NSMF: variants seen among roughly 807,000 people sequenced by gnomAD.
NSMF encodes NMDA receptor synaptonuclear signaling and neuronal migration factor.
A neutral mutation model predicts 71.0 loss-of-function variants in NSMF; 31 were observed. The ratio of observed to expected loss-of-function variants is 0.44; its 90% CI spans 0.33 to 0.59. The LOEUF is 0.59. Ranked by LOEUF, NSMF falls within the 20% of genes least tolerant of loss-of-function variation. NSMF has a pLI of 0.04. For synonymous variants in NSMF, 345 were observed against 287.1 expected (o/e 1.20, Z -2.04); for missense variants, 673 against 740.5 (o/e 0.91, Z 1.06).
intron 5 of NSMF, 115 bp downstream of exon 5, chr9:137,455,514 G>C: frequency 7.7e-7 from 1 of 1,299,772 alleles, no homozygotes; most frequent in Non-Finnish European, 1.1e-6. Context: ...GGCCCGCAGA[G>C]AGCGGCACTC....
Position 137,448,413 on chromosome 9 carries a change from A to T in NSMF, c.*981T>A, listed in dbSNP as rs963549614. On this transcript the variant is annotated 3_prime_UTR_variant, in exon 16 of 16. Transcript: ENST00000371475. The surrounding 1 kb of genome is among the most constrained non-coding windows in gnomAD (Gnocchi z 5.3). ...ACAGCCCATCCTGCTGGCCGTGGAC[A>T]AAAGCTGGGAGCTCCTGTGCCCAGT... 1 of 152,260 alleles carries T rather than the reference A, an allele frequency of 6.6e-6. No individual in the cohort carries two copies. Among genetic ancestry groups the T allele is most frequent in the Admixed American group, 6.5e-5 (1 of 15,282 alleles). The allele number at this position is 152,260 out of a possible 1,614,324, so 9.4% of individuals were successfully genotyped here.
intron 6 of NSMF, 67 bp from the exon 7 acceptor site, chr9:137,454,510 C>T (rs1485853477): frequency 7.7e-6 from 12 of 1,549,454 alleles, no homozygotes; most frequent in African/African-American, 1.4e-5. Context: ...CCCACCTAGC[C>T]CCCGTCGGGT....
chr9:137,452,959 G>T, intron 9 of NSMF, 97 bp downstream of exon 9: 1 of 1,586,876 alleles, frequency 6.3e-7, no homozygotes, highest in Non-Finnish European at 8.6e-7. Flanking sequence ...CAGGCAGCTG[G>T]AGAAGGCTGC....
intron 2 of NSMF, 140 bp downstream of exon 2, chr9:137,458,348 G>A (rs1830966381): frequency 6.5e-6 from 5 of 770,214 alleles, no homozygotes; most frequent in Non-Finnish European, 8.7e-6. Flanking sequence ...GGAGGGCAGG[G>A]GATGTAAGGA....
chr9:137,454,764 C>T, intron 6 of NSMF: 1 of 1,426,472 alleles, frequency 7.0e-7, no homozygotes, highest in Non-Finnish European at 9.3e-7. Flanking sequence ...CCTCCACGCC[C>T]ATGTGGCAGA....
rs1028389590 is a variant in NSMF, at chr9:137,452,444, G to A, written c.1166-9C>T. ...CTTCCTCTCTATCTCCTCTGTGGGAGAGCGGGTGTGAGTGCTGCGGCCCCC... is the reference window on the plus strand; with the variant it reads ...CTTCCTCTCTATCTCCTCTGTGGGAAAGCGGGTGTGAGTGCTGCGGCCCCC... On this transcript the variant is annotated splice_polypyrimidine_tract_variant and intron_variant, in intron 11 of 15. Transcript: ENST00000371475. The A allele has an allele frequency of 1.2e-6, 2 of 1,612,310 alleles. No homozygotes were observed. The highest frequency in any genetic ancestry group is 1.1e-5 in the South Asian group (1 of 91,058).
At position 137,449,317 on chromosome 9, in the gene NSMF, G is replaced by A. The variant is rs1839777212; in HGVS notation, c.*77C>T. The A allele has an allele frequency of 8.1e-7, 1 of 1,238,198 alleles. No homozygotes were observed. 76.7% of individuals were successfully genotyped at this position (1,238,198 alleles called of 1,614,324 possible). ...GAGACCGGAGCCACACAGTCCCGGG[G>A]AGCACGAGGCGGCCCAGCCCCAGGT... is the stretch of plus-strand genomic sequence containing the variant. On this transcript the variant is annotated 3_prime_UTR_variant, in exon 16 of 16. Transcript: ENST00000371475.
Position 137,459,063 on chromosome 9 carries a change from C to T in NSMF, c.40G>A (p.Glu14Lys). The change falls in exon 1 of 16, where the codon GAG becomes AAG. Residue 14 changes from glutamate to lysine, a missense_variant. By Grantham distance (56) the Glu-to-Lys change is moderately conservative. Around this residue, in one of 2 missense-constraint regions of NSMF, gnomAD observed 471 missense variants for 459.6 expected, o/e 1.02. Coordinates refer to ENST00000371475, the MANE Select transcript of NSMF (RefSeq NM_001130969.3). Reference sequence around the variant, plus strand: ...TTGGCCGCCACCGAGGACATGGCCTCGCTCCTCAGCGCCCTCCTCCTGGAG... The same window carrying T: ...TTGGCCGCCACCGAGGACATGGCCTTGCTCCTCAGCGCCCTCCTCCTGGAG... The part of the protein sequence containing the change: ...AASRRRALRS[E>K]AMSSVAAKVR... The T allele has an allele frequency of 7.9e-7, 1 of 1,273,110 alleles. No individual in the cohort carries two copies. Among genetic ancestry groups the T allele is most frequent in the Non-Finnish European group, 9.9e-7 (1 of 1,006,874 alleles). 78.9% of individuals were successfully genotyped at this position (1,273,110 alleles called of 1,614,324 possible).
At position 137,459,268 on chromosome 9, in the gene NSMF, G is replaced by A. The variant is rs1831054368; in HGVS notation, c.-166C>T. On this transcript the variant is annotated 5_prime_UTR_variant, in exon 1 of 16. Transcript: ENST00000371475. ...CGGGGTCGGGCTCGGGGTCGGGCCC[G>A]GTCCCCGCATGGCCGCACCCGGCGC... 2 of 321,942 alleles carry A rather than the reference G, an allele frequency of 6.2e-6. No individual in the cohort carries two copies. The highest frequency in any genetic ancestry group is 9.1e-6 in the Non-Finnish European group (2 of 219,150). The allele number at this position is 321,942 out of a possible 1,614,324, so 19.9% of individuals were successfully genotyped here.
Position 137,459,215 on chromosome 9 carries a change from C to T in NSMF, c.-113G>A, listed in dbSNP as rs1295071275. ...GCGCTCGGGCTCGGGCTCGGGGTCTCGCTCGGGCTCCGGCTCGGGCTTGGG... is the reference window on the plus strand; with the variant it reads ...GCGCTCGGGCTCGGGCTCGGGGTCTTGCTCGGGCTCCGGCTCGGGCTTGGG... On this transcript the variant is annotated 5_prime_UTR_variant, in exon 1 of 16. Transcript: ENST00000371475. 3 of 781,404 alleles carry T rather than the reference C, an allele frequency of 3.8e-6. No homozygotes were observed. The highest frequency in any genetic ancestry group is 1.6e-6 in the Non-Finnish European group (1 of 625,564). 48.4% of individuals were successfully genotyped at this position (781,404 alleles called of 1,614,324 possible). A position where few individuals can be genotyped will look rare whatever the true frequency, so the allele number is the denominator to read the frequency against.
In NSMF at chr9:137,455,265, CTCCCGTT is replaced by C; in HGVS notation, c.746_752del (p.Lys249ArgfsTer7). On this transcript the variant is annotated frameshift_variant, in exon 6 of 16. Coordinates refer to ENST00000371475, the MANE Select transcript of NSMF (RefSeq NM_001130969.3). LOFTEE classifies it high-confidence loss of function. ...TCTGGATTACAGACGCGGAATCATT[CTCCCGTT>C]TCCGGCGCTTCCTCTCCGCGTAGCC... The C allele has an allele frequency of 6.2e-7, 1 of 1,612,840 alleles. No individual in the cohort carries two copies. Among genetic ancestry groups the C allele is most frequent in the South Asian group, 1.1e-5 (1 of 91,090 alleles).
chr9:137,449,349 G>T lies in NSMF; in HGVS notation c.*45C>A, dbSNP rs751317956. ...AGGCGGCCCAGCCCCAGGTCCCGGT[G>T]CAGAGGGAGTGGCCTGATGGTGACT... On this transcript the variant is annotated 3_prime_UTR_variant, in exon 16 of 16. Coordinates refer to ENST00000371475, the MANE Select transcript of NSMF (RefSeq NM_001130969.3). The T allele has an allele frequency of 6.5e-7, 1 of 1,531,512 alleles. No homozygotes were observed. The highest frequency in any genetic ancestry group is 9.0e-7 in the Non-Finnish European group (1 of 1,108,260). The allele number at this position is 1,531,512 out of a possible 1,614,324, so 94.9% of individuals were successfully genotyped here. A position where few individuals can be genotyped will look rare whatever the true frequency, so the allele number is the denominator to read the frequency against.
At chr9:137,452,268 T>G in intron 12 of NSMF, 97 bp downstream of exon 12, 4 of 736,974 alleles carry the variant, frequency 5.4e-6, no homozygotes, top group African/African-American at 2.5e-5. Context: ...CCCCAACCTC[T>G]TCCCCTTGGT....
intron 4 of NSMF, 39 bp from the exon 5 acceptor site, chr9:137,455,673 A>T: frequency 6.5e-7 from 1 of 1,550,204 alleles, no homozygotes; most frequent in Non-Finnish European, 8.7e-7. Flanking sequence ...GAGAGAGAAG[A>T]CACAGTGAGC....
Position 137,449,484 on chromosome 9 carries a change from C to T in NSMF, c.1503G>A (p.Gln501=), listed in dbSNP as rs781394352. The T allele has an allele frequency of 6.2e-7, 1 of 1,612,894 alleles. No individual in the cohort carries two copies. The highest frequency in any genetic ancestry group is 8.5e-7 in the Non-Finnish European group (1 of 1,179,930). ...SPLELSAQGK[Q]MIETYFDFRL... is the part of the protein sequence containing the mutation. ...GGAAGTCAAAGTACGTCTCGATCATCTGCTTCCCTGGGCGGAGCGGGGGCA... is the reference window on the plus strand; with the variant it reads ...GGAAGTCAAAGTACGTCTCGATCATTTGCTTCCCTGGGCGGAGCGGGGGCA... Residue 501 remains glutamine (Q), a synonymous_variant, in exon 16 of 16, where the codon CAG becomes CAA. Transcript: ENST00000371475.
At chr9:137,450,481 C>T (rs1425578681) in intron 12 of NSMF, among the ~76,000 whole-genome samples, 2 of 62,750 alleles carry the variant, frequency 3.2e-5, no homozygotes, top group East Asian at 6.3e-4. Context: ...CCACCACATG[C>T]CTCTTCCCTT....
At position 137,449,142 on chromosome 9, in the gene NSMF, A is replaced by C; in HGVS notation, c.*252T>G. On this transcript the variant is annotated 3_prime_UTR_variant, in exon 16 of 16. Coordinates refer to ENST00000371475, the MANE Select transcript of NSMF (RefSeq NM_001130969.3). ...GCCTCCAGGCGAGGCATGGCAGGTC[A>C]GTGCCTGGCCGCTGAGCATCCACGG... is the stretch of plus-strand genomic sequence containing the variant. The C allele has an allele frequency of 1.7e-6, 1 of 584,316 alleles. No individual in the cohort carries two copies. Among genetic ancestry groups the C allele is most frequent in the East Asian group, 2.8e-5 (1 of 35,110 alleles). The allele number at this position is 584,316 out of a possible 1,614,324, so 36.2% of individuals were successfully genotyped here.
At chr9:137,455,688 C>G in intron 4 of NSMF, 54 bp from the exon 5 acceptor site, 1 of 1,546,972 alleles carries the variant, frequency 6.5e-7, no homozygotes, top group Non-Finnish European at 8.7e-7. Context: ...GTGAGCTCAA[C>G]CCCGGGCCTC....
At chr9:137,452,268 T>A (rs2131972131) in intron 12 of NSMF, 97 bp downstream of exon 12, 47 of 736,892 alleles carry the variant, frequency 6.4e-5, no homozygotes, top group Non-Finnish European at 8.1e-5. Context: ...CCCCAACCTC[T>A]TCCCCTTGGT....
Sources: allele counts gnomAD v4.1 joint callset (sites outside exome capture counted in the v4.1 genomes callset), GRCh38; gene constraint gnomAD v4.1.1; regional missense constraint gnomAD v4.1.1; non-coding constraint Gnocchi (gnomAD v3.1); transcripts MANE v1.5; gene names NCBI Gene and HGNC (gene_info 2026-07-23, HGNC 2026-07-21).